PRR5L: variants seen among roughly 807,000 people sequenced by gnomAD.
PRR5L encodes proline-rich protein 5-like.
PRR5L carries 21 observed loss-of-function variants against 36.4 expected under a neutral mutation model. The ratio of observed to expected loss-of-function variants is 0.58; its 90% CI spans 0.41 to 0.83. The LOEUF (loss-of-function observed/expected upper bound fraction) is 0.83. Among genes scored for constraint, PRR5L ranks in the 40% least tolerant of loss-of-function variants. The pLI, the probability that PRR5L is intolerant of heterozygous loss-of-function variation, is 0.00. For missense variants in PRR5L, 381 were observed against 473.3 expected, an observed-to-expected ratio of 0.80 and a Z score of 1.81; for synonymous variants, 188 against 197.0, an observed-to-expected ratio of 0.95 and a Z score of 0.38.
rs1859267335 is a variant in PRR5L at position 36,465,009 on chromosome 11, G to T, written c.*2273G>T. On this transcript the variant is annotated 3_prime_UTR_variant, in exon 9 of 9. Transcript: ENST00000530639. Reference sequence around the variant, plus strand: ...TTATGGTCATGTTAGCTATCAGAGAGCTATTGGAGTGAGAGCTGAGGTGTC... The same window carrying T: ...TTATGGTCATGTTAGCTATCAGAGATCTATTGGAGTGAGAGCTGAGGTGTC... 2 of 152,152 alleles carry T rather than the reference G, an allele frequency of 1.3e-5. No individual in the cohort carries two copies. Among genetic ancestry groups the T allele is most frequent in the Non-Finnish European group, 2.9e-5 (2 of 68,028 alleles). The allele number at this position is 152,152 out of a possible 1,614,324, so 9.4% of individuals were successfully genotyped here.
Position 36,462,499 on chromosome 11 carries a change from C to T in PRR5L, c.870C>T (p.His290=). The T allele has an allele frequency of 6.2e-7, 1 of 1,608,570 alleles. No homozygotes were observed. The change falls in exon 9 of 9, where the codon CAC becomes CAT. Residue 290 remains histidine, a synonymous_variant. Transcript: ENST00000530639. ...YLEKCGSVRR[H]TVANAHSDIQ... The stretch of plus-strand genomic sequence containing the variant: ...AGAAGTGTGGCAGCGTGCGGCGGCA[C>T]ACGGTGGCCAATGCCCACTCGGACA...
Position 36,462,761 on chromosome 11 carries a change from C to T in PRR5L, c.*25C>T. The T allele has an allele frequency of 6.6e-7, 1 of 1,511,378 alleles. No homozygotes were observed. The highest frequency in any genetic ancestry group is 8.8e-7 in the Non-Finnish European group (1 of 1,130,990). 93.6% of individuals were successfully genotyped at this position (1,511,378 alleles called of 1,614,324 possible). On this transcript the variant is annotated 3_prime_UTR_variant, in exon 9 of 9. Coordinates refer to ENST00000530639, the MANE Select transcript of PRR5L (RefSeq NM_001160167.2). ...AGTCGCCACCCCTGGGCCTTTCCAT[C>T]TCCTGTTTTGCAACCAGGATGAGGA...
rs1858504988 is a variant in PRR5L at position 36,431,893 on chromosome 11, A to G, written c.335A>G (p.Lys112Arg). 11 of 1,614,028 alleles carry G rather than the reference A, an allele frequency of 6.8e-6. No homozygotes were observed. In the African/African-American group the frequency reaches 1.3e-4, roughly 20 times the overall value. ...LAKGLFFVEE[K>R]IKLCEGENRI... Reference sequence around the variant, plus strand: ...AAAGGACTGTTCTTTGTGGAGGAGAAGATCAAGCTGTGTGAAGGCAAGTAC... The same window carrying G: ...AAAGGACTGTTCTTTGTGGAGGAGAGGATCAAGCTGTGTGAAGGCAAGTAC... Residue 112 changes from lysine (K) to arginine (R), a missense_variant, in exon 5 of 9, where the codon AAG becomes AGG. Physicochemically the swap from Lys to Arg is conservative, Grantham distance 26. Transcript: ENST00000530639.
At chr11:36,438,174 G>A (rs556998200) in intron 6 of PRR5L, among the ~76,000 whole-genome samples, 1 of 152,308 alleles carries the variant, frequency 6.6e-6, no homozygotes, top group African/African-American at 2.4e-5. Context: ...CTAATACCAC[G>A]ATGGTCACTG....
rs1174352193 is a variant in PRR5L at position 36,414,062 on chromosome 11, C to G, written c.246-5193C>G. ...TGAACTCATCATTTTTTTATGGCTG[C>G]ATAGTATTCCATGGTGTATATGTGC... On this transcript the variant is annotated intron_variant, in intron 3 of 8. Coordinates refer to ENST00000530639, the MANE Select transcript of PRR5L (RefSeq NM_001160167.2). 3.3e-5 allele frequency among the ~76,000 whole-genome samples: 5 copies of G among 149,856 alleles called. No homozygotes were observed. In the East Asian group the frequency reaches 9.8e-4, roughly 30 times the overall value.
At chr11:36,350,343 A>C (rs971128187) in intron 1 of PRR5L, among the ~76,000 whole-genome samples, 2 of 151,200 alleles carry the variant, frequency 1.3e-5, no homozygotes, top group African/African-American at 4.9e-5. Context: ...GTGTGTATGC[A>C]TGTGTGTGCC....
intron 1 of PRR5L, among the ~76,000 whole-genome samples, chr11:36,374,864 C>A (rs1387943607): frequency 6.6e-6 from 1 of 152,166 alleles, no homozygotes; most frequent in Non-Finnish European, 1.5e-5. Flanking sequence ...CTGTGGAGAC[C>A]TTGCCATTTT....
chr11:36,351,404 A>T (rs1230896805), intron 1 of PRR5L, among the ~76,000 whole-genome samples: 1 of 75,428 alleles, frequency 1.3e-5, no homozygotes, highest in Non-Finnish European at 2.2e-5. Context: ...TATATTTATA[A>T]ATATATATGT....
intron 3 of PRR5L, among the ~76,000 whole-genome samples, chr11:36,410,643 T>TG (rs1374896250): frequency 6.6e-6 from 1 of 152,214 alleles, no homozygotes; most frequent in African/African-American, 2.4e-5. Flanking sequence ...GTTTCCTCCA[T>TG]GTTTCTCACT....
intron 1 of PRR5L, among the ~76,000 whole-genome samples, chr11:36,348,410 C>T (rs749503463): frequency 2.0e-4 from 30 of 152,080 alleles, no homozygotes; most frequent in Non-Finnish European, 3.7e-4. Context: ...GCCTAAAGCC[C>T]GAGTTCCCTG....
rs186880012 is a variant in PRR5L at position 36,415,673 on chromosome 11, G to T, written c.246-3582G>T. 2.2e-4 allele frequency among the ~76,000 whole-genome samples: 34 copies of T among 152,342 alleles called. No individual in the cohort carries two copies. In the East Asian group the frequency reaches 6.6e-3, roughly 29 times the overall value. ...GCATAAGAATTGCTTGAGCCCGGGA[G>T]GCAGAGGTTGCAGTGAGCTGAGATC... On this transcript the variant is annotated intron_variant, in intron 3 of 8. Coordinates refer to ENST00000530639, the MANE Select transcript of PRR5L (RefSeq NM_001160167.2).
chr11:36,411,216 C>T (rs528997972), intron 3 of PRR5L, among the ~76,000 whole-genome samples: 2 of 152,312 alleles, frequency 1.3e-5, no homozygotes, highest in African/African-American at 4.8e-5. Context: ...GTCACTTCCG[C>T]GCTTGCCCAC....
At chr11:36,328,541 C>A (rs1856688017) in intron 1 of PRR5L, among the ~76,000 whole-genome samples, 1 of 152,160 alleles carries the variant, frequency 6.6e-6, no homozygotes, top group Non-Finnish European at 1.5e-5. Context: ...TTCCTGAGGC[C>A]CCCTCAGAAG....
At chr11:36,353,709 A>G (rs1425933534) in intron 1 of PRR5L, among the ~76,000 whole-genome samples, 1 of 152,180 alleles carries the variant, frequency 6.6e-6, no homozygotes, top group African/African-American at 2.4e-5. Context: ...GCAGTTCACA[A>G]TAGGGTTAGC....
intron 1 of PRR5L, among the ~76,000 whole-genome samples, chr11:36,341,643 C>T (rs1001298669): frequency 2.6e-5 from 4 of 152,130 alleles, no homozygotes; most frequent in Non-Finnish European, 5.9e-5. Flanking sequence ...TTTCTTGCTG[C>T]ACAAAATGGG....
At chr11:36,387,458 C>T (rs188082384) in intron 1 of PRR5L, among the ~76,000 whole-genome samples, 8 of 152,308 alleles carry the variant, frequency 5.3e-5, no homozygotes, top group African/African-American at 1.9e-4. Flanking sequence ...GATAAGACAG[C>T]TGCCAAGTTA....
intron 1 of PRR5L, among the ~76,000 whole-genome samples, chr11:36,338,170 T>C (rs1016724301): frequency 6.6e-6 from 1 of 152,246 alleles, no homozygotes; most frequent in African/African-American, 2.4e-5. Flanking sequence ...AGACATCTAG[T>C]AGTCTCTACC....
intron 1 of PRR5L, among the ~76,000 whole-genome samples, chr11:36,369,594 T>G (rs988156152): frequency 1.3e-5 from 2 of 152,024 alleles, no homozygotes; most frequent in Non-Finnish European, 2.9e-5. Context: ...GGGAATTTAT[T>G]TATTTATTTA....
intron 3 of PRR5L, among the ~76,000 whole-genome samples, chr11:36,410,572 T>C (rs898607652): frequency 6.6e-6 from 1 of 152,236 alleles, no homozygotes; most frequent in South Asian, 2.1e-4. Flanking sequence ...TGAGATTCTG[T>C]GTGCAGACTG....
Sources: allele counts gnomAD v4.1 joint callset (sites outside exome capture counted in the v4.1 genomes callset), GRCh38; gene constraint gnomAD v4.1.1; transcripts MANE v1.5; gene names NCBI Gene and HGNC (gene_info 2026-07-23, HGNC 2026-07-21).